Variants in ITPKB observed in about 807,000 individuals in gnomAD.
ITPKB encodes IP3 3-kinase B.
ITPKB carries 13 observed loss-of-function variants against 69.4 expected under a neutral mutation model. The ratio of observed to expected loss-of-function variants is 0.19; its 90% confidence interval spans 0.12 to 0.30. ITPKB has a LOEUF of 0.30. Ranked by LOEUF, ITPKB falls within the 10% of genes least tolerant of loss-of-function variation. The pLI, the probability that ITPKB is intolerant of heterozygous loss-of-function variation, is 1.00. For missense variants in ITPKB, 1,240 were observed against 1,250.5 expected, an observed-to-expected ratio of 0.99 and a Z score of 0.13; for synonymous variants, 584 against 513.7, an observed-to-expected ratio of 1.14 and a Z score of -1.85.
intron 2 of ITPKB, among the ~76,000 whole-genome samples, chr1:226,652,578 A>C (rs1056988364): frequency 2.0e-5 from 3 of 152,234 alleles, no homozygotes; most frequent in African/African-American, 7.2e-5. Context: ...GTCTGAAATC[A>C]GACCCCGTCC....
At chr1:226,731,935 A>C (rs1657598805) in intron 2 of ITPKB, among the ~76,000 whole-genome samples, 1 of 152,098 alleles carries the variant, frequency 6.6e-6, no homozygotes, top group South Asian at 2.1e-4. Flanking sequence ...GCATTTTTTA[A>C]AGTGCCCCTC....
intron 2 of ITPKB, among the ~76,000 whole-genome samples, chr1:226,671,263 A>G (rs1436917442): frequency 2.0e-5 from 3 of 152,288 alleles, no homozygotes; most frequent in African/African-American, 4.8e-5. Flanking sequence ...TTCAAACAAC[A>G]TGGGTAAGAA....
chr1:226,709,243 G>A lies in ITPKB; in HGVS notation c.1932+26284C>T, dbSNP rs185006576. Among the ~76,000 whole-genome samples the A allele has an allele frequency of 8.4e-4, 128 of 152,346 alleles. 1 individual carries two copies. The highest frequency in any genetic ancestry group is 8.4e-3 in the Admixed American group (128 of 15,298). On this transcript the variant is annotated intron_variant, in intron 2 of 7. Coordinates refer to ENST00000429204, the MANE Select transcript of ITPKB (RefSeq NM_002221.4). ...TAAACAACAAGTGACTTTTTAGCAT[G>A]AGTATGTCTCATGCCTTTATTCTGG...
intron 2 of ITPKB, among the ~76,000 whole-genome samples, chr1:226,713,492 T>G (rs1480821810): frequency 6.6e-6 from 1 of 152,172 alleles, no homozygotes; most frequent in Non-Finnish European, 1.5e-5. Flanking sequence ...TGTCATCCCG[T>G]TTTAGATCCA....
At chr1:226,715,360 T>C (rs1657069574) in intron 2 of ITPKB, among the ~76,000 whole-genome samples, 1 of 152,260 alleles carries the variant, frequency 6.6e-6, no homozygotes, top group South Asian at 2.1e-4. Context: ...TGTGCGTGCA[T>C]TCTCTTTAGC....
rs541837953 is a variant in ITPKB, at chr1:226,737,410, C to T, written c.49G>A (p.Ala17Thr). ...CCGCCGCCGCTCTTCATCTCGTTGG[C>T]GCTATTCATGATCACCAGGCTATTG... ...ALNSLVIMNS[A>T]NEMKSGGGPG... The change falls in exon 2 of 8, where the codon GCC becomes ACC. Residue 17 changes from alanine to threonine, a missense_variant. Coordinates refer to ENST00000429204, the MANE Select transcript of ITPKB (RefSeq NM_002221.4). 2 of 1,611,390 alleles carry T rather than the reference C, an allele frequency of 1.2e-6. No homozygotes were observed. Among genetic ancestry groups the T allele is most frequent in the Admixed American group, 1.7e-5 (1 of 59,996 alleles).
chr1:226,658,755 A>G (rs941464974), intron 2 of ITPKB, among the ~76,000 whole-genome samples: 17 of 152,124 alleles, frequency 1.1e-4, no homozygotes, highest in African/African-American at 4.1e-4. Flanking sequence ...TATGGAACCC[A>G]TGAGCGTAGG....
At chr1:226,661,827 T>C (rs925123129) in intron 2 of ITPKB, among the ~76,000 whole-genome samples, 1 of 152,172 alleles carries the variant, frequency 6.6e-6, no homozygotes, top group African/African-American at 2.4e-5. Flanking sequence ...GAGACAGCTC[T>C]GTATGAGCCC....
chr1:226,712,153 G>A (rs376641559), intron 2 of ITPKB, among the ~76,000 whole-genome samples: 1 of 152,298 alleles, frequency 6.6e-6, no homozygotes, highest in East Asian at 1.9e-4. Flanking sequence ...AGACCTCAGA[G>A]CATGGGGTAA....
chr1:226,708,559 C>T (rs764894248), intron 2 of ITPKB, among the ~76,000 whole-genome samples: 1 of 152,196 alleles, frequency 6.6e-6, no homozygotes, highest in Non-Finnish European at 1.5e-5. Context: ...CATGAAGAGC[C>T]ATCCCCTTTT....
intron 2 of ITPKB, among the ~76,000 whole-genome samples, chr1:226,660,623 C>T (rs982753747): frequency 2.0e-5 from 3 of 152,176 alleles, no homozygotes; most frequent in Non-Finnish European, 2.9e-5. Flanking sequence ...ACAGGAAATG[C>T]TGTGCTGAAC....
At chr1:226,705,309 C>T (rs752734510) in intron 2 of ITPKB, among the ~76,000 whole-genome samples, 3 of 151,642 alleles carry the variant, frequency 2.0e-5, no homozygotes, top group Non-Finnish European at 4.4e-5. Context: ...GCGGGCAGGT[C>T]ACCTGAGGTC....
chr1:226,722,044 C>G (rs1657259407), intron 2 of ITPKB, among the ~76,000 whole-genome samples: 1 of 152,084 alleles, frequency 6.6e-6, no homozygotes, highest in South Asian at 2.1e-4. Flanking sequence ...AACTCCTGAC[C>G]TCAGGTAATC....
intron 2 of ITPKB, among the ~76,000 whole-genome samples, chr1:226,704,031 T>TCC (rs1656743709): frequency 1.3e-5 from 2 of 152,182 alleles, no homozygotes; most frequent in Non-Finnish European, 2.9e-5. Context: ...AGCGTAGCGG[T>TCC]TCTGCCCGAA....
At chr1:226,733,232 A>G (rs1199932944) in intron 2 of ITPKB, among the ~76,000 whole-genome samples, 1 of 152,212 alleles carries the variant, frequency 6.6e-6, no homozygotes, top group Non-Finnish European at 1.5e-5. Flanking sequence ...AGCGTTGTGC[A>G]GTAGCTGGAC....
chr1:226,643,967 G>C (rs897131806), intron 4 of ITPKB, among the ~76,000 whole-genome samples: 3 of 152,254 alleles, frequency 2.0e-5, no homozygotes, highest in Admixed American at 2.0e-4. Flanking sequence ...GGGGCTGCGT[G>C]TGCATCCATG....
intron 2 of ITPKB, among the ~76,000 whole-genome samples, chr1:226,724,940 G>T (rs1264691451): frequency 6.6e-6 from 1 of 152,182 alleles, no homozygotes; most frequent in African/African-American, 2.4e-5. Context: ...TCTGGATCCA[G>T]AACAGTCTCT....
At chr1:226,729,406 C>T (rs774495005) in intron 2 of ITPKB, among the ~76,000 whole-genome samples, 3 of 144,096 alleles carry the variant, frequency 2.1e-5, no homozygotes, top group African/African-American at 5.1e-5. Flanking sequence ...TGCTTGAATC[C>T]GGGAGGCAGA....
intron 2 of ITPKB, among the ~76,000 whole-genome samples, chr1:226,671,229 T>C (rs1669611887): frequency 6.6e-6 from 1 of 152,142 alleles, no homozygotes; most frequent in African/African-American, 2.4e-5. Context: ...GCTAGACTCC[T>C]AGGGTGGAGG....
Sources: gnomAD v4.1 joint callset for allele counts (sites outside exome capture counted in the v4.1 genomes callset) on GRCh38, gnomAD v4.1.1 for gene constraint, MANE v1.5 for transcripts, NCBI Gene and HGNC (gene_info 2026-07-23, HGNC 2026-07-21) for gene names.